The following VIPR2 variants were observed in gnomAD, a reference collection of about 807,000 sequenced individuals.
The protein encoded by VIPR2 is vasoactive intestinal polypeptide receptor 2.
In VIPR2, 48 loss-of-function variants were observed where a neutral mutation model predicts 58.0. The observed-to-expected ratio is 0.83, with a 90% CI of 0.66 to 1.05. The LOEUF is 1.05. VIPR2 is among the 50% of genes least tolerant of loss of function. The pLI, the probability that VIPR2 is intolerant of heterozygous loss-of-function variation, is 0.00. For missense variants in VIPR2, 534 were observed against 558.0 expected (o/e 0.96, Z 0.43); for synonymous variants, 243 against 235.2 (o/e 1.03, Z -0.30).
rs982428085 is a variant in VIPR2 at position 159,101,962 on chromosome 7, G to A, written c.357+1795C>T. On this transcript the variant is annotated intron_variant, in intron 4 of 12. Transcript: ENST00000262178. ...GTGAATGAGTCTCACGAGATCCGAC[G>A]AGGTGGTTCCGACTGTTCCTGTGGT... is the stretch of plus-strand genomic sequence containing the variant. Among the ~76,000 whole-genome samples the A allele has an allele frequency of 3.3e-5, 5 of 149,748 alleles. 1 individual carries two copies. The highest frequency in any genetic ancestry group is 1.2e-4 in the African/African-American group (5 of 40,282).
At chr7:159,133,585 T>C (rs1437208795) in intron 2 of VIPR2, among the ~76,000 whole-genome samples, 3 of 152,272 alleles carry the variant, frequency 2.0e-5, no homozygotes, top group Admixed American at 6.5e-5. Context: ...CAGTGAGTTT[T>C]ATATTATCGT....
intron 5 of VIPR2, among the ~76,000 whole-genome samples, chr7:159,050,739 G>T (rs553815978): frequency 4.8e-4 from 73 of 152,164 alleles, no homozygotes; most frequent in African/African-American, 1.6e-3. Context: ...TAGCCACAAG[G>T]TTTTTTGAAA....
chr7:159,074,502 G>GAGAGGAAATGTGGCCTTACC (rs1277615876), intron 4 of VIPR2, among the ~76,000 whole-genome samples: 38 of 152,206 alleles, frequency 2.5e-4, no homozygotes, highest in Non-Finnish European at 7.3e-5. Context: ...GGAGCATCGT[G>GAGAGGAAATGTGGCCTTACC]AGAGGAAATG....
intron 3 of VIPR2, 92 bp downstream of exon 3, chr7:159,109,720 G>T: frequency 8.2e-7 from 1 of 1,217,692 alleles, no homozygotes. Context: ...ATGCCTGAAG[G>T]AAAGTGATGT....
intron 4 of VIPR2, among the ~76,000 whole-genome samples, chr7:159,100,786 C>T (rs540312371): frequency 1.3e-4 from 19 of 148,044 alleles, no homozygotes; most frequent in African/African-American, 3.0e-4. Flanking sequence ...TCCGACGAGG[C>T]GGTTCCCCCA....
At chr7:159,089,680 C>G (rs2129495227) in intron 4 of VIPR2, among the ~76,000 whole-genome samples, 1 of 152,296 alleles carries the variant, frequency 6.6e-6, no homozygotes, top group Admixed American at 6.5e-5. Context: ...CTTTACAACT[C>G]AGGTTTCTCC....
At chr7:159,070,463 T>C (rs1405048251) in intron 4 of VIPR2, among the ~76,000 whole-genome samples, 2 of 152,210 alleles carry the variant, frequency 1.3e-5, no homozygotes, top group East Asian at 1.9e-4. Flanking sequence ...CAGTTTCTCA[T>C]GTAAGATTTG....
intron 5 of VIPR2, among the ~76,000 whole-genome samples, chr7:159,055,748 G>A (rs900867577): frequency 7.2e-5 from 11 of 152,150 alleles, no homozygotes; most frequent in Non-Finnish European, 1.2e-4. Context: ...GGCACTTACA[G>A]CCATTGCTCA....
At chr7:159,088,224 C>A (rs150215491) in intron 4 of VIPR2, among the ~76,000 whole-genome samples, 1 of 152,246 alleles carries the variant, frequency 6.6e-6, no homozygotes, top group Non-Finnish European at 1.5e-5. Flanking sequence ...CCAGCATCTG[C>A]AGCAGCACAC....
chr7:159,131,715 C>A (rs547439238), intron 2 of VIPR2, among the ~76,000 whole-genome samples: 1 of 152,348 alleles, frequency 6.6e-6, no homozygotes, highest in East Asian at 1.9e-4. Context: ...TCATTGAAAT[C>A]CATGCCTAAG....
At chr7:159,111,116 A>G (rs1219553713) in intron 2 of VIPR2, among the ~76,000 whole-genome samples, 1 of 152,240 alleles carries the variant, frequency 6.6e-6, no homozygotes, top group East Asian at 1.9e-4. Context: ...GAGTCTAAGT[A>G]GTAGAGTTAT....
chr7:159,084,053 G>A (rs1857046321), intron 4 of VIPR2, among the ~76,000 whole-genome samples: 1 of 152,248 alleles, frequency 6.6e-6, no homozygotes, highest in African/African-American at 2.4e-5. Flanking sequence ...CTGGGAAACT[G>A]CTTCTTCCAG....
At chr7:159,066,575 T>C (rs536735792) in intron 4 of VIPR2, among the ~76,000 whole-genome samples, 1 of 152,336 alleles carries the variant, frequency 6.6e-6, no homozygotes, top group Non-Finnish European at 1.5e-5. Flanking sequence ...TCCATGGCAT[T>C]CTGGGAGGCC....
At chr7:159,134,663 CTT>C (rs1380328529) in intron 2 of VIPR2, among the ~76,000 whole-genome samples, 2 of 145,374 alleles carry the variant, frequency 1.4e-5, no homozygotes. Context: ...TATTTTCTTT[CTT>C]TTTTTTTTTT....
At chr7:159,065,394 G>A (rs994098743) in intron 4 of VIPR2, among the ~76,000 whole-genome samples, 2 of 152,154 alleles carry the variant, frequency 1.3e-5, no homozygotes, top group African/African-American at 4.8e-5. Context: ...TCAAGCCCTG[G>A]TGTCTCGGGT....
In VIPR2 at chr7:159,096,554, G is replaced by A. The variant is rs991159400; in HGVS notation, c.357+7203C>T. Among the ~76,000 whole-genome samples the A allele has an allele frequency of 6.6e-6, 1 of 152,072 alleles. No individual in the cohort carries two copies. The highest frequency in any genetic ancestry group is 2.4e-5 in the African/African-American group (1 of 41,404). ...ACTTAAAGAACTTGGAGACCCAATC[G>A]CCATCCCCAGGCACCAGCGTATCTG... On this transcript the variant is annotated intron_variant, in intron 4 of 12. Transcript: ENST00000262178. This position sits in a 1 kb window ranked among gnomAD's most constrained non-coding sequence, Gnocchi z 5.5.
At chr7:159,119,884 T>TCGGAAGAAACGCC (rs57576036) in intron 2 of VIPR2, among the ~76,000 whole-genome samples, 15,692 of 147,846 alleles carry the variant, frequency 0.11, 1,522 homozygotes, top group Non-Finnish European at 0.12. Context: ...GTAGGTGGGG[T>TCGGAAGAAACGCC]TGGAAGAAAC....
At chr7:159,066,052 G>A (rs568054444) in intron 4 of VIPR2, among the ~76,000 whole-genome samples, 2 of 152,370 alleles carry the variant, frequency 1.3e-5, no homozygotes, top group East Asian at 3.9e-4. Context: ...ATTCCACGAT[G>A]CCTGCTCCGC....
chr7:159,039,121 C>T (rs1373974063), intron 6 of VIPR2, among the ~76,000 whole-genome samples: 2 of 152,180 alleles, frequency 1.3e-5, no homozygotes, highest in Non-Finnish European at 2.9e-5. Flanking sequence ...GCTGTCTCAG[C>T]CTTTTGGAAG....
Sources: gnomAD v4.1 joint callset for allele counts (sites outside exome capture counted in the v4.1 genomes callset) on GRCh38, gnomAD v4.1.1 for gene constraint, Gnocchi (gnomAD v3.1) non-coding constraint, MANE v1.5 for transcripts, NCBI Gene and HGNC (gene_info 2026-07-23, HGNC 2026-07-21) for gene names.